Variants in WDR47 observed in about 807,000 individuals in gnomAD.
WDR47 encodes the protein WD repeat-containing protein 47.
Under a neutral mutation model 97.2 loss-of-function variants are expected in WDR47, and 32 were observed. The observed-to-expected ratio is 0.33, with a 90% confidence interval of 0.25 to 0.44. The LOEUF is 0.44. Among genes scored for constraint, WDR47 ranks in the 20% least tolerant of loss-of-function variants. The pLI, the probability that WDR47 is intolerant of heterozygous loss-of-function variation, is 1.00. For synonymous variants in WDR47, 375 were observed against 373.5 expected (o/e 1.00, Z -0.05); for missense variants, 782 against 1,102.3 (o/e 0.71, Z 4.11).
chr1:109,003,604 C>T (rs1660368923), intron 6 of WDR47, among the ~76,000 whole-genome samples: 2 of 152,190 alleles, frequency 1.3e-5, no homozygotes, highest in African/African-American at 4.8e-5. Context: ...CAGGTCCAAG[C>T]GATTCTCCTG....
chr1:108,988,880 C>A (rs1370916109), intron 9 of WDR47, among the ~76,000 whole-genome samples: 2 of 151,946 alleles, frequency 1.3e-5, no homozygotes, highest in Non-Finnish European at 2.9e-5. Flanking sequence ...GCCTCAGCCT[C>A]CCAAGTAGCT....
intron 7 of WDR47, among the ~76,000 whole-genome samples, chr1:109,001,170 T>C (rs1480151790): frequency 1.3e-5 from 2 of 151,962 alleles, no homozygotes; most frequent in South Asian, 2.1e-4. Context: ...ACGCCTATAA[T>C]CCCAGCTACT....
At position 109,011,413 on chromosome 1, in the gene WDR47, A is replaced by G; in HGVS notation, c.633T>C (p.Cys211=). 1.9e-6 allele frequency: 3 copies of G among 1,614,244 alleles called. No individual in the cohort carries two copies. The highest frequency in any genetic ancestry group is 2.5e-6 in the Non-Finnish European group (3 of 1,180,048). ...TTTCTTCTCCAGTTGCTTTACTCTG[A>G]CAAAATTCTACACAGCATTCATAAA... ...GLLYECCVEF[C]QSKATGEEIT... The change falls in exon 5 of 15, where the codon TGT becomes TGC. Residue 211 remains cysteine, a synonymous_variant. Transcript: ENST00000369962.
intron 7 of WDR47, among the ~76,000 whole-genome samples, chr1:109,000,624 C>A (rs571474647): frequency 6.7e-6 from 1 of 150,252 alleles, no homozygotes; most frequent in South Asian, 2.1e-4. Flanking sequence ...TGCAGCGAGC[C>A]GTGATCAGAT....
intron 1 of WDR47, among the ~76,000 whole-genome samples, chr1:109,027,058 C>G (rs1215128091): frequency 6.6e-6 from 1 of 151,870 alleles, no homozygotes; most frequent in Admixed American, 6.6e-5. Context: ...TCACCCAACA[C>G]AGAATTTTTT....
intron 1 of WDR47, among the ~76,000 whole-genome samples, chr1:109,027,051 C>T (rs1378315592): frequency 6.6e-6 from 1 of 151,850 alleles, no homozygotes; most frequent in Non-Finnish European, 1.5e-5. Flanking sequence ...ATTTTAATCA[C>T]CCAACACAGA....
rs1385612783 is a variant in WDR47, at chr1:108,977,807, G to A, written c.2399-3053C>T. Among the ~76,000 whole-genome samples, 6 of 151,822 alleles carry A rather than the reference G, an allele frequency of 4.0e-5. No homozygotes were observed. The South Asian group carries it at 6.2e-4, about 16-fold the overall frequency. On this transcript the variant is annotated intron_variant, in intron 13 of 14. Transcript: ENST00000369962. ...TACACCATGGCACTCCAGCCTGGGC[G>A]ACAAAGTAAGATTCTCAAAAACAAA...
intron 4 of WDR47, among the ~76,000 whole-genome samples, chr1:109,012,566 C>A (rs571083949): frequency 6.0e-5 from 3 of 50,306 alleles, no homozygotes; most frequent in South Asian, 1.7e-3. Flanking sequence ...GTGTGAGACT[C>A]CATCTCAAAA....
chr1:109,023,154 C>T (rs922580902), intron 2 of WDR47, among the ~76,000 whole-genome samples: 1 of 151,756 alleles, frequency 6.6e-6, no homozygotes, highest in Non-Finnish European at 1.5e-5. Flanking sequence ...AGTGAGCCGA[C>T]ATCTCGCCAC....
At position 108,986,689 on chromosome 1, in the gene WDR47, AGAAT is replaced by A. The variant is rs1367012185; in HGVS notation, c.1768-13_1768-10del. On this transcript the variant is annotated splice_polypyrimidine_tract_variant and intron_variant, in intron 9 of 14. Coordinates refer to ENST00000369962, the MANE Select transcript of WDR47 (RefSeq NM_001142551.2). ...TTTTTTGATTTGTCATCCTATGGAAAGAATGAATATTAGTTATCCTATTAAAAAA... is the reference window on the plus strand; with the variant it reads ...TTTTTTGATTTGTCATCCTATGGAAAGAATATTAGTTATCCTATTAAAAAA... 2.1e-6 allele frequency: 3 copies of A among 1,421,572 alleles called. No homozygotes were observed. Among genetic ancestry groups the A allele is most frequent in the South Asian group, 1.2e-5 (1 of 81,246 alleles). The allele number at this position is 1,421,572 out of a possible 1,614,324, so 88.1% of individuals were successfully genotyped here. A position where few individuals can be genotyped will look rare whatever the true frequency, so the allele number is the denominator to read the frequency against.
Position 109,011,557 on chromosome 1 carries a change from G to A in WDR47, c.489C>T (p.His163=), listed in dbSNP as rs1157529291. The change falls in exon 5 of 15, where the codon CAC becomes CAT. Residue 163 remains histidine, a synonymous_variant. Transcript: ENST00000369962. ...CCATGACACAAGCCTCTTCAAAACA[G>A]TGAACTCGTGCGGTGCTGGGATTCC... ...KDWNPSTARV[H]CFEEACVMVA... The A allele has an allele frequency of 5.0e-6, 8 of 1,614,178 alleles. No homozygotes were observed. The highest frequency in any genetic ancestry group is 5.9e-6 in the Non-Finnish European group (7 of 1,180,040).
At chr1:108,979,692 G>A (rs17031688) in intron 13 of WDR47, among the ~76,000 whole-genome samples, 5,301 of 152,134 alleles carry the variant, frequency 0.035, 114 homozygotes, top group Admixed American at 0.055. Flanking sequence ...AAATAAATAC[G>A]AATATTTCCC....
chr1:109,023,930 A>T (rs1044030676), intron 1 of WDR47, among the ~76,000 whole-genome samples: 29 of 152,316 alleles, frequency 1.9e-4, no homozygotes, highest in African/African-American at 6.5e-4. Context: ...AGAATATTTT[A>T]AAAAGTCATT....
chr1:109,022,842 T>C (rs1009584810), intron 2 of WDR47, among the ~76,000 whole-genome samples: 3 of 151,832 alleles, frequency 2.0e-5, no homozygotes, highest in Non-Finnish European at 4.4e-5. Context: ...TGCCTCAGCC[T>C]CCCAAAGTGC....
intron 4 of WDR47, among the ~76,000 whole-genome samples, chr1:109,013,031 G>A (rs1661162073): frequency 6.6e-6 from 1 of 152,082 alleles, no homozygotes; most frequent in Non-Finnish European, 1.5e-5. Flanking sequence ...TAGGGCCTTT[G>A]GGAGGTGACT....
intron 11 of WDR47, among the ~76,000 whole-genome samples, chr1:108,983,030 T>C (rs1206385739): frequency 2.0e-5 from 3 of 152,134 alleles, no homozygotes; most frequent in Admixed American, 6.5e-5. Flanking sequence ...CTAGAAAACA[T>C]CTGGTAGCTA....
At chr1:109,002,561 T>C (rs1187684166) in intron 6 of WDR47, among the ~76,000 whole-genome samples, 159 bp from the exon 7 acceptor site, 1 of 152,240 alleles carries the variant, frequency 6.6e-6, no homozygotes, top group African/African-American at 2.4e-5. Flanking sequence ...GTATGTGTCT[T>C]AATACTCAAG....
chr1:108,970,981 G>A lies in WDR47; in HGVS notation c.*449C>T, dbSNP rs1351621184. On this transcript the variant is annotated 3_prime_UTR_variant, in exon 15 of 15. Coordinates refer to ENST00000369962, the MANE Select transcript of WDR47 (RefSeq NM_001142551.2). ...AATACAATATGGGATCGTGAGAAGA[G>A]CAAAAGTAATTCTGAACACCTGGGA... is the stretch of plus-strand genomic sequence containing the variant. 2 of 154,364 alleles carry A rather than the reference G, an allele frequency of 1.3e-5. No homozygotes were observed. Among genetic ancestry groups the A allele is most frequent in the Admixed American group, 1.3e-4 (2 of 15,606 alleles). The allele number at this position is 154,364 out of a possible 1,614,324, so 9.6% of individuals were successfully genotyped here. A position where few individuals can be genotyped will look rare whatever the true frequency, so the allele number is the denominator to read the frequency against.
At chr1:108,972,429 C>T (rs189049839) in intron 14 of WDR47, among the ~76,000 whole-genome samples, 1 of 152,224 alleles carries the variant, frequency 6.6e-6, no homozygotes, top group Non-Finnish European at 1.5e-5. Flanking sequence ...TATAATTCAG[C>T]TCCTATCCCT....
Sources: gnomAD v4.1 joint callset for allele counts (sites outside exome capture counted in the v4.1 genomes callset) on GRCh38, gnomAD v4.1.1 for gene constraint, MANE v1.5 for transcripts, NCBI Gene and HGNC (gene_info 2026-07-23, HGNC 2026-07-21) for gene names.